Variants in ESPN observed in about 807,000 individuals in gnomAD.
The protein encoded by ESPN is autosomal recessive deafness type 36 protein.
A neutral mutation model predicts 77.7 loss-of-function variants in ESPN; 68 were observed. That is an observed-to-expected ratio of 0.87 (90% confidence interval 0.72 to 1.07). The LOEUF (loss-of-function observed/expected upper bound fraction) is 1.07. Among genes scored for constraint, ESPN ranks in the 50% least tolerant of loss-of-function variants. The pLI, the probability that ESPN is intolerant of heterozygous loss-of-function variation, is 0.00. For synonymous variants in ESPN, 449 were observed against 567.1 expected, an observed-to-expected ratio of 0.79 and a Z score of 2.96; for missense variants, 1,060 against 1,239.0, an observed-to-expected ratio of 0.86 and a Z score of 2.17.
At position 6,427,890 on chromosome 1, in the gene ESPN, C is replaced by T. The variant is rs1431611602; in HGVS notation, c.295-336C>T. Among the ~76,000 whole-genome samples the T allele has an allele frequency of 6.6e-6, 1 of 152,224 alleles. No individual in the cohort carries two copies. Among genetic ancestry groups the T allele is most frequent in the Non-Finnish European group, 1.5e-5 (1 of 68,030 alleles). On this transcript the variant is annotated intron_variant, in intron 1 of 12. Coordinates refer to ENST00000645284, the MANE Select transcript of ESPN (RefSeq NM_031475.3). This position sits in a 1 kb window ranked among gnomAD's most constrained non-coding sequence, Gnocchi z 4.6. ...GAGTCCCTGGGAGTCAGGGCTGTGG[C>T]CCTGGGCCTGGTGCCAGTCTCCTGC...
chr1:6,426,970 C>G (rs1223637792), intron 1 of ESPN, among the ~76,000 whole-genome samples: 3 of 152,118 alleles, frequency 2.0e-5, no homozygotes, highest in Non-Finnish European at 2.9e-5. Context: ...TGCCCCCACC[C>G]CGCAGGCTGC....
intron 5 of ESPN, among the ~76,000 whole-genome samples, chr1:6,443,966 C>T (rs1643736544): frequency 6.6e-6 from 1 of 152,240 alleles, no homozygotes; most frequent in South Asian, 2.1e-4. Context: ...TGAGTTCTGG[C>T]TGCCCATCAC....
chr1:6,448,605 G>A lies in ESPN; in HGVS notation c.1465-36G>A, dbSNP rs781010295. The A allele has an allele frequency of 9.1e-6, 14 of 1,534,836 alleles. No individual in the cohort carries two copies. The South Asian group carries it at 1.4e-4, about 16-fold the overall frequency. On this transcript the variant is annotated intron_variant, in intron 7 of 12. Transcript: ENST00000645284. ...AGGCGTGGGGGGCGCCTACCGGGCA[G>A]GTGCCCGAGCCCCACCGGTCACTGT...
In ESPN at chr1:6,427,863, C is replaced by T. The variant is rs1050656308; in HGVS notation, c.295-363C>T. Among the ~76,000 whole-genome samples, 2 of 152,228 alleles carry T rather than the reference C, an allele frequency of 1.3e-5. No individual in the cohort carries two copies. Among genetic ancestry groups the T allele is most frequent in the African/African-American group, 4.8e-5 (2 of 41,456 alleles). On this transcript the variant is annotated intron_variant, in intron 1 of 12. Coordinates refer to ENST00000645284, the MANE Select transcript of ESPN (RefSeq NM_031475.3). The surrounding 1 kb of genome is among the most constrained non-coding windows in gnomAD (Gnocchi z 4.6). ...CCTGTGTCACTCCTTCAGGCATTCC[C>T]TGAGTCCCTGGGAGTCAGGGCTGTG...
chr1:6,456,533 T>C (rs1245501657), intron 10 of ESPN: 1 of 195,802 alleles, frequency 5.1e-6, no homozygotes, highest in Non-Finnish European at 1.0e-5. Flanking sequence ...GGCCTGCTCT[T>C]TGGTTTTCCA....
At position 6,425,141 on chromosome 1, in the gene ESPN, C is replaced by A; in HGVS notation, c.186C>A (p.Pro62=). 6.6e-7 allele frequency: 1 copy of A among 1,508,784 alleles called. No individual in the cohort carries two copies. Among genetic ancestry groups the A allele is most frequent in the South Asian group, 1.2e-5 (1 of 81,262 alleles). 93.5% of individuals were successfully genotyped at this position (1,508,784 alleles called of 1,614,324 possible). A position where few individuals can be genotyped will look rare whatever the true frequency, so the allele number is the denominator to read the frequency against. The change falls in exon 1 of 13, where the codon CCC becomes CCA. Residue 62 remains proline, a synonymous_variant. Transcript: ENST00000645284. ...TCCTGGTGGAGGAAGCCGCCCTCCC[C>A]GCCGCGGCCCGCGCCCGCAACGGCG... ...LRFLVEEAAL[P]AAARARNGAT...
intron 2 of ESPN, among the ~76,000 whole-genome samples, chr1:6,438,288 A>G (rs1288370784): frequency 6.6e-6 from 1 of 152,200 alleles, no homozygotes; most frequent in Non-Finnish European, 1.5e-5. Flanking sequence ...TGGTCCTCCC[A>G]GGCACAAGGA....
In ESPN at chr1:6,451,731, G is replaced by T. The variant is rs769678235; in HGVS notation, c.2044G>T (p.Gly682Trp). ...GCTGACCACAGTGTTCTCAGGCATC[G>T]GGCAGCCGGCCTTCCAGGTAGGCGG... ...KGLTTVFSGI[G>W]QPAFQPDSPL... is the part of the protein sequence containing the mutation. The change falls in exon 9 of 13, where the codon GGG becomes TGG. Residue 682 changes from glycine (G) to tryptophan (W), a missense_variant. Around this residue, in one of 3 missense-constraint regions of ESPN, gnomAD observed 374 missense variants for 381.4 expected, o/e 0.98. Coordinates refer to ENST00000645284, the MANE Select transcript of ESPN (RefSeq NM_031475.3). The surrounding 1 kb of genome is among the most constrained non-coding windows in gnomAD (Gnocchi z 4.3). The T allele has an allele frequency of 6.2e-6, 10 of 1,612,528 alleles. No homozygotes were observed. Among genetic ancestry groups the T allele is most frequent in the Middle Eastern group, 1.7e-4 (1 of 5,994 alleles).
intron 2 of ESPN, among the ~76,000 whole-genome samples, chr1:6,435,777 C>G (rs1398985729): frequency 6.6e-6 from 1 of 152,246 alleles, no homozygotes; most frequent in Non-Finnish European, 1.5e-5. Flanking sequence ...CATAGACCCT[C>G]CTGGTGGCTG....
At chr1:6,443,485 G>A (rs1362854803) in intron 5 of ESPN, among the ~76,000 whole-genome samples, 2 of 152,224 alleles carry the variant, frequency 1.3e-5, no homozygotes, top group East Asian at 1.9e-4. Context: ...GAGCACCTTC[G>A]GGTGCTGCCC....
In ESPN at chr1:6,448,873, G is replaced by T. The variant is rs1643897337; in HGVS notation, c.1697G>T (p.Gly566Val). Residue 566 changes from glycine to valine, a missense_variant, in exon 8 of 13, where the codon GGC becomes GTC. By Grantham distance (109) the Gly-to-Val change is moderately radical (BLOSUM62 -3). Around this residue, in one of 3 missense-constraint regions of ESPN, gnomAD observed 130 missense variants for 223.9 expected, o/e 0.58. Transcript: ENST00000645284. ...CCTGCCGCCCGCGGCTCACTCGAAG[G>T]CCCCTCCGCTCCCCCGCAGGCGGCG... ...LGPAARGSLE[G>V]PSAPPQAALL... The T allele has an allele frequency of 7.7e-7, 1 of 1,303,368 alleles. No individual in the cohort carries two copies. The allele number at this position is 1,303,368 out of a possible 1,614,324, so 80.7% of individuals were successfully genotyped here. A position where few individuals can be genotyped will look rare whatever the true frequency, so the allele number is the denominator to read the frequency against.
chr1:6,450,992 C>T lies in ESPN; in HGVS notation c.1916-611C>T, dbSNP rs1340092904. The stretch of plus-strand genomic sequence containing the variant: ...GTAGCCTTAGTAAGGGCTCTGCTTT[C>T]CTGGGCCCCTAGAGCTGAGCCATGC... On this transcript the variant is annotated intron_variant, in intron 8 of 12. Coordinates refer to ENST00000645284, the MANE Select transcript of ESPN (RefSeq NM_031475.3). The surrounding 1 kb of genome is among the most constrained non-coding windows in gnomAD (Gnocchi z 4.3). Among the ~76,000 whole-genome samples, 5 of 152,226 alleles carry T rather than the reference C, an allele frequency of 3.3e-5. No individual in the cohort carries two copies. Among genetic ancestry groups the T allele is most frequent in the South Asian group, 2.1e-4 (1 of 4,836 alleles).
intron 2 of ESPN, among the ~76,000 whole-genome samples, chr1:6,430,973 A>C (rs1294581096): frequency 6.6e-6 from 1 of 152,070 alleles, no homozygotes; most frequent in Non-Finnish European, 1.5e-5. Context: ...GAGGAGGGGC[A>C]AAGAGCAGGT....
chr1:6,457,037 G>A, intron 10 of ESPN, 147 bp from the exon 11 acceptor site: 1 of 809,578 alleles, frequency 1.2e-6, no homozygotes. Flanking sequence ...CTGAGGGGGT[G>A]TGACCAGGCA....
intron 7 of ESPN, 51 bp downstream of exon 7, chr1:6,445,986 T>TGG: frequency 6.3e-7 from 1 of 1,588,900 alleles, no homozygotes; most frequent in Non-Finnish European, 8.6e-7. Context: ...ACTGGGCTGA[T>TGG]GGGGGCCAGT....
Position 6,458,030 on chromosome 1 carries a change from T to A in ESPN, c.2417+658T>A, listed in dbSNP as rs868546155. ...TGCGAAAAAAAAAAAAAAAAAAAAA[T>A]TTTTTTTTGAGATGGGGTTTCACTC... On this transcript the variant is annotated intron_variant, in intron 12 of 12. Transcript: ENST00000645284. Among the ~76,000 whole-genome samples the A allele has an allele frequency of 6.7e-3, 917 of 136,214 alleles. 9 individuals are homozygous for A. The highest frequency in any genetic ancestry group is 0.023 in the African/African-American group (803 of 34,914). 89.4% of individuals were successfully genotyped at this position (136,214 alleles called of 152,430 possible).
intron 3 of ESPN, 24 bp from the exon 4 acceptor site, chr1:6,440,602 C>CCCAAAGG: frequency 8.0e-7 from 1 of 1,256,478 alleles, no homozygotes; most frequent in Non-Finnish European, 1.1e-6. Flanking sequence ...CCCCCGCCCC[C>CCCAAAGG]CTCTCCCCGC....
At chr1:6,455,933 G>A in intron 10 of ESPN, 2 of 398,882 alleles carry the variant, frequency 5.0e-6, no homozygotes, top group Non-Finnish European at 8.9e-6. Context: ...AACAGGAGCG[G>A]ACCGAAGAGG....
chr1:6,448,303 A>G (rs1186594975), intron 7 of ESPN, among the ~76,000 whole-genome samples: 1 of 152,156 alleles, frequency 6.6e-6, no homozygotes, highest in African/African-American at 2.4e-5. Flanking sequence ...GTGAGGGCTA[A>G]GCTGGGAGGT....
Sources: gnomAD v4.1 joint callset for allele counts (sites outside exome capture counted in the v4.1 genomes callset) on GRCh38, gnomAD v4.1.1 for gene constraint, gnomAD v4.1.1 regional missense constraint, Gnocchi (gnomAD v3.1) non-coding constraint, MANE v1.5 for transcripts, NCBI Gene and HGNC (gene_info 2026-07-23, HGNC 2026-07-21) for gene names.